Variants in RBFOX1 observed in about 807,000 individuals in gnomAD.
The protein encoded by RBFOX1 is RNA binding protein fox-1 homolog 1.
A neutral mutation model predicts 57.7 loss-of-function variants in RBFOX1; 8 were observed. That is an observed-to-expected ratio of 0.14 (90% CI 0.08 to 0.25). The LOEUF is 0.25. Among genes scored for constraint, RBFOX1 ranks in the 10% least tolerant of loss-of-function variants. The probability of loss-of-function intolerance (pLI) is 1.00; values close to 1 mark genes in which losing one functional copy is unlikely to be tolerated. For synonymous variants in RBFOX1, 326 were observed against 222.4 expected, an observed-to-expected ratio of 1.47 and a Z score of -4.15; for missense variants, 611 against 548.5, an observed-to-expected ratio of 1.11 and a Z score of -1.14.
chr16:7,321,525 A>G (rs1286127126), intron 4 of RBFOX1, among the ~76,000 whole-genome samples: 1 of 152,198 alleles, frequency 6.6e-6, no homozygotes, highest in African/African-American at 2.4e-5. Context: ...GTATGGGGCC[A>G]GATTTACCCT....
chr16:6,444,341 G>T (rs540692216), intron 2 of RBFOX1, among the ~76,000 whole-genome samples: 5 of 152,212 alleles, frequency 3.3e-5, no homozygotes, highest in African/African-American at 1.2e-4. Flanking sequence ...GACATGGTTT[G>T]GCTGTGACCC....
intron 3 of RBFOX1, among the ~76,000 whole-genome samples, chr16:6,665,874 A>G (rs943572124): frequency 2.6e-5 from 4 of 152,014 alleles, no homozygotes; most frequent in Non-Finnish European, 4.4e-5. Context: ...AAGAGGTGAT[A>G]TGGTTTGACC....
At chr16:5,961,781 G>A (rs1216758079) in intron 4 of RBFOX1, among the ~76,000 whole-genome samples, 1 of 152,160 alleles carries the variant, frequency 6.6e-6, no homozygotes, top group Non-Finnish European at 1.5e-5. Flanking sequence ...TCCTGCCTCA[G>A]CCTTCCAAAG....
intron 3 of RBFOX1, among the ~76,000 whole-genome samples, chr16:6,700,423 C>G (rs548625893): frequency 6.6e-6 from 1 of 151,922 alleles, no homozygotes; most frequent in East Asian, 1.9e-4. Context: ...TTTGGGAGGC[C>G]GAAGCAGGCG....
At chr16:6,426,876 T>C (rs1429035466) in intron 2 of RBFOX1, among the ~76,000 whole-genome samples, 3 of 152,182 alleles carry the variant, frequency 2.0e-5, no homozygotes, top group Non-Finnish European at 4.4e-5. Flanking sequence ...TGTAAACTTC[T>C]TGAGCATTTG....
chr16:6,052,358 T>C (rs894200145), intron 1 of RBFOX1, among the ~76,000 whole-genome samples: 1 of 152,210 alleles, frequency 6.6e-6, no homozygotes, highest in Non-Finnish European at 1.5e-5. Flanking sequence ...CAGATGATTC[T>C]TTTTTGTGAT....
chr16:6,374,255 C>T (rs1015962328), intron 2 of RBFOX1, among the ~76,000 whole-genome samples: 4 of 152,108 alleles, frequency 2.6e-5, no homozygotes, highest in Admixed American at 2.0e-4. Flanking sequence ...TTCATTGGCT[C>T]ATGTAATTAG....
chr16:5,764,857 C>T (rs1481982477), intron 3 of RBFOX1, among the ~76,000 whole-genome samples: 1 of 152,170 alleles, frequency 6.6e-6, no homozygotes, highest in African/African-American at 2.4e-5. Flanking sequence ...GAAGCAGGCA[C>T]TCTGTATATG....
chr16:7,077,204 C>T (rs1477881597), intron 4 of RBFOX1, among the ~76,000 whole-genome samples: 1 of 152,202 alleles, frequency 6.6e-6, no homozygotes, highest in Admixed American at 6.5e-5. Flanking sequence ...ATGCTCCAAT[C>T]AGGCTAGTCT....
At chr16:5,645,081 CAAA>C (rs55903936) in intron 3 of RBFOX1, among the ~76,000 whole-genome samples, 104 of 144,518 alleles carry the variant, frequency 7.2e-4, no homozygotes, top group Admixed American at 1.0e-3. Context: ...ACTAAAAATA[CAAA>C]AAAAAAAAAA....
intron 3 of RBFOX1, among the ~76,000 whole-genome samples, chr16:6,736,233 A>T (rs938307874): frequency 6.6e-6 from 1 of 152,050 alleles, no homozygotes; most frequent in African/African-American, 2.4e-5. Context: ...TGCATACACG[A>T]GTAAGTTCTT....
intron 3 of RBFOX1, among the ~76,000 whole-genome samples, chr16:6,812,414 C>T (rs546737620): frequency 5.3e-5 from 8 of 152,226 alleles, no homozygotes; most frequent in African/African-American, 1.9e-4. Flanking sequence ...GGTCTTGTCA[C>T]CCAGGCTGGA....
chr16:5,406,887 C>A (rs1418181671), intron 1 of RBFOX1, among the ~76,000 whole-genome samples: 4 of 152,108 alleles, frequency 2.6e-5, no homozygotes, highest in South Asian at 2.1e-4. Context: ...GGTGGAGTAC[C>A]TGGTGACAGC....
chr16:5,564,893 C>T (rs997983472), intron 2 of RBFOX1, among the ~76,000 whole-genome samples: 6 of 152,090 alleles, frequency 3.9e-5, no homozygotes, highest in African/African-American at 9.7e-5. Context: ...AGCTGTCCCT[C>T]GGGTGAGATG....
chr16:7,000,192 C>A (rs967914906), intron 3 of RBFOX1, among the ~76,000 whole-genome samples: 1 of 151,824 alleles, frequency 6.6e-6, no homozygotes, highest in Non-Finnish European at 1.5e-5. Flanking sequence ...CTGTCATTAG[C>A]GTTATTATGC....
At chr16:6,483,454 G>C (rs1157898283) in intron 2 of RBFOX1, 6 of 1,535,708 alleles carry the variant, frequency 3.9e-6, no homozygotes, top group Admixed American at 2.0e-5. Flanking sequence ...CTTCTCCCGT[G>C]CTGTGTTTTC....
intron 4 of RBFOX1, among the ~76,000 whole-genome samples, chr16:7,439,175 G>A (rs892443600): frequency 1.4e-4 from 21 of 152,156 alleles, no homozygotes; most frequent in Non-Finnish European, 1.5e-5. Flanking sequence ...TTCGCGCTGT[G>A]TCGTCTTCAC....
chr16:7,569,654 T>C (rs1297196346), intron 5 of RBFOX1, among the ~76,000 whole-genome samples: 1 of 152,218 alleles, frequency 6.6e-6, no homozygotes, highest in Admixed American at 6.5e-5. Flanking sequence ...TAAGGGGTCA[T>C]TATGTTGTTT....
At chr16:5,665,691 C>T (rs984226050) in intron 3 of RBFOX1, among the ~76,000 whole-genome samples, 2 of 152,194 alleles carry the variant, frequency 1.3e-5, no homozygotes, top group African/African-American at 4.8e-5. Flanking sequence ...TTCCCTCTAA[C>T]TGTTTCTCCA....
Sources: gnomAD v4.1 joint callset for allele counts (sites outside exome capture counted in the v4.1 genomes callset) on GRCh38, gnomAD v4.1.1 for gene constraint, MANE v1.5 for transcripts, NCBI Gene and HGNC (gene_info 2026-07-23, HGNC 2026-07-21) for gene names.